The following TMPRSS11F variants were observed in gnomAD, a reference collection of about 807,000 sequenced individuals.
TMPRSS11F encodes transmembrane serine protease 11F.
A neutral mutation model predicts 60.2 loss-of-function variants in TMPRSS11F; 47 were observed. The observed-to-expected ratio is 0.78, with a 90% CI of 0.62 to 1.00. The LOEUF (loss-of-function observed/expected upper bound fraction) is 1.00, where lower values mean the gene tolerates loss of function less well. TMPRSS11F is among the 50% of genes least tolerant of loss of function. The pLI is 0.00. For missense variants in TMPRSS11F, 519 were observed against 522.9 expected (o/e 0.99, Z 0.07); for synonymous variants, 166 against 167.3 (o/e 0.99, Z 0.06).
At chr4:68,068,930 C>G (rs1044241106) in intron 6 of TMPRSS11F, 111 bp from the exon 7 acceptor site, 3 of 1,071,614 alleles carry the variant, frequency 2.8e-6, no homozygotes, top group African/African-American at 1.6e-5. Flanking sequence ...GTGAACCATT[C>G]ATAGCACTCA....
intron 3 of TMPRSS11F, among the ~76,000 whole-genome samples, chr4:68,087,469 C>G (rs192767343): frequency 1.3e-5 from 2 of 152,266 alleles, no homozygotes; most frequent in East Asian, 1.9e-4. Context: ...GGATGCCACT[C>G]TCTCCACTCC....
chr4:68,091,253 G>A (rs1004581220), intron 2 of TMPRSS11F, among the ~76,000 whole-genome samples: 4 of 152,030 alleles, frequency 2.6e-5, no homozygotes, highest in Non-Finnish European at 4.4e-5. Flanking sequence ...CATGTTCCCT[G>A]AAAACCTATC....
At chr4:68,060,733 A>G in intron 8 of TMPRSS11F, among the ~76,000 whole-genome samples, 1 of 151,714 alleles carries the variant, frequency 6.6e-6, no homozygotes, top group East Asian at 1.9e-4. Context: ...ACCTCATGTC[A>G]TCCAATATAC....
intron 3 of TMPRSS11F, among the ~76,000 whole-genome samples, chr4:68,087,743 A>T (rs1367136695): frequency 2.0e-5 from 3 of 147,352 alleles, no homozygotes; most frequent in Non-Finnish European, 3.0e-5. Context: ...TTATACTTTA[A>T]GTTTTAGGGT....
chr4:68,059,290 T>C (rs1184484479), intron 9 of TMPRSS11F, 36 bp downstream of exon 9: 1 of 1,605,032 alleles, frequency 6.2e-7, no homozygotes, highest in East Asian at 2.2e-5. Context: ...AATGGAAACT[T>C]TCCTCATAAA....
Position 68,128,985 on chromosome 4 carries a change from T to C in TMPRSS11F, c.11+825A>G, listed in dbSNP as rs75413321. Among the ~76,000 whole-genome samples, 147 of 152,172 alleles carry C rather than the reference T, an allele frequency of 9.7e-4. 1 individual carries two copies. In the East Asian group the frequency reaches 0.024, roughly 25 times the overall value. On this transcript the variant is annotated intron_variant, in intron 1 of 9. Coordinates refer to ENST00000356291, the MANE Select transcript of TMPRSS11F (RefSeq NM_207407.2). ...AAGACAAAATCAAATGACTGAACAATTAAAATTATCACAAAATCATGATTA... is the reference window on the plus strand; with the variant it reads ...AAGACAAAATCAAATGACTGAACAACTAAAATTATCACAAAATCATGATTA...
chr4:68,105,665 C>T (rs1361590645), intron 1 of TMPRSS11F, among the ~76,000 whole-genome samples: 1 of 152,106 alleles, frequency 6.6e-6, no homozygotes, highest in African/African-American at 2.4e-5. Flanking sequence ...TATAATTCTT[C>T]AGATGACCTG....
At chr4:68,078,473 TCTCA>T (rs770479089) in intron 3 of TMPRSS11F, among the ~76,000 whole-genome samples, 7 of 152,294 alleles carry the variant, frequency 4.6e-5, no homozygotes, top group Non-Finnish European at 8.8e-5. Context: ...ATAGTGTCTC[TCTCA>T]CTCTACACTA....
At chr4:68,057,020 C>T (rs1289153518) in intron 9 of TMPRSS11F, among the ~76,000 whole-genome samples, 2 of 152,126 alleles carry the variant, frequency 1.3e-5, no homozygotes, top group African/African-American at 4.8e-5. Flanking sequence ...CGTGGTGGCT[C>T]ATGCCTGTAA....
chr4:68,091,779 CTCTCTA>C (rs1344844588), intron 2 of TMPRSS11F, among the ~76,000 whole-genome samples: 687 of 57,858 alleles, frequency 0.012, 3 homozygotes, highest in African/African-American at 0.021. Context: ...CTCTCTCTCT[CTCTCTA>C]TCTATCTATC....
chr4:68,096,966 A>G (rs1347184802), intron 2 of TMPRSS11F, among the ~76,000 whole-genome samples: 1 of 152,210 alleles, frequency 6.6e-6, no homozygotes, highest in Non-Finnish European at 1.5e-5. Context: ...TCTTTCTGCT[A>G]TAAAAATAGG....
chr4:68,066,656 C>A (rs1723333962), intron 7 of TMPRSS11F, among the ~76,000 whole-genome samples: 1 of 152,118 alleles, frequency 6.6e-6, no homozygotes, highest in Non-Finnish European at 1.5e-5. Context: ...AAAACTTAGG[C>A]CGGGCGCGGT....
chr4:68,068,022 C>T (rs1017204232), intron 7 of TMPRSS11F, among the ~76,000 whole-genome samples: 2 of 152,162 alleles, frequency 1.3e-5, no homozygotes, highest in African/African-American at 4.8e-5. Flanking sequence ...AGAGGTACAA[C>T]CATGAAAGCC....
At chr4:68,129,485 T>G (rs1724777435) in intron 1 of TMPRSS11F, among the ~76,000 whole-genome samples, 1 of 152,062 alleles carries the variant, frequency 6.6e-6, no homozygotes, top group African/African-American at 2.4e-5. Context: ...GAAAAGTAAC[T>G]AAATGGGCTA....
At chr4:68,127,074 C>A (rs1315204634) in intron 1 of TMPRSS11F, among the ~76,000 whole-genome samples, 2 of 152,152 alleles carry the variant, frequency 1.3e-5, no homozygotes, top group Non-Finnish European at 2.9e-5. Context: ...TTGCTTAAAT[C>A]AACTTTTATT....
chr4:68,054,152 G>T, intron 9 of TMPRSS11F, 85 bp from the exon 10 acceptor site: 11 of 1,277,328 alleles, frequency 8.6e-6, no homozygotes, highest in Non-Finnish European at 1.2e-5. Context: ...AGAGAAAAAA[G>T]GAAATTGGTA....
At chr4:68,118,161 G>C (rs1724562387) in intron 1 of TMPRSS11F, among the ~76,000 whole-genome samples, 1 of 152,106 alleles carries the variant, frequency 6.6e-6, no homozygotes, top group Admixed American at 6.5e-5. Context: ...ATGCCACTGA[G>C]AACAGCCCAG....
chr4:68,063,231 T>C (rs928280430), intron 8 of TMPRSS11F: 27 of 579,792 alleles, frequency 4.7e-5, no homozygotes, highest in Non-Finnish European at 8.2e-5. Flanking sequence ...GGTAAGTTCA[T>C]GTACTCCACA....
intron 3 of TMPRSS11F, among the ~76,000 whole-genome samples, chr4:68,087,859 TCCCTCCC>T (rs1279643551): frequency 9.1e-6 from 1 of 109,324 alleles, no homozygotes; most frequent in Non-Finnish European, 1.8e-5. Flanking sequence ...CCCAGTGCTA[TCCCTCCC>T]CCCTCCCCCC....
Sources: allele counts gnomAD v4.1 joint callset (sites outside exome capture counted in the v4.1 genomes callset), GRCh38; gene constraint gnomAD v4.1.1; transcripts MANE v1.5; gene names NCBI Gene and HGNC (gene_info 2026-07-23, HGNC 2026-07-21).